The following NELL1 variants were observed in gnomAD, a reference collection of about 807,000 sequenced individuals.
NELL1 encodes the protein protein kinase C-binding protein NELL1.
A neutral mutation model predicts 107.4 loss-of-function variants in NELL1; 76 were observed. That is an observed-to-expected ratio of 0.71 (90% CI 0.59 to 0.86). The LOEUF (loss-of-function observed/expected upper bound fraction) is 0.86. Ranked by LOEUF, NELL1 falls within the 40% of genes least tolerant of loss-of-function variation. The probability of loss-of-function intolerance (pLI) is 0.00; values close to 1 mark genes in which losing one functional copy is unlikely to be tolerated. For missense variants in NELL1, 1,024 were observed against 1,005.5 expected (o/e 1.02, Z -0.25); for synonymous variants, 353 against 341.2 (o/e 1.03, Z -0.38).
At chr11:21,456,570 C>T (rs1853745038) in intron 15 of NELL1, among the ~76,000 whole-genome samples, 1 of 151,784 alleles carries the variant, frequency 6.6e-6, no homozygotes, top group Non-Finnish European at 1.5e-5. Context: ...AATATTTCCT[C>T]AGTAGATTTT....
At chr11:21,179,619 CA>C (rs1565098437) in intron 13 of NELL1, among the ~76,000 whole-genome samples, 1 of 151,842 alleles carries the variant, frequency 6.6e-6, no homozygotes, top group Non-Finnish European at 1.5e-5. Context: ...TTGGCTAAAT[CA>C]AGTCACTTGG....
intron 5 of NELL1, among the ~76,000 whole-genome samples, chr11:20,912,126 G>T (rs995194725): frequency 6.6e-6 from 1 of 152,104 alleles, no homozygotes; most frequent in Non-Finnish European, 1.5e-5. Flanking sequence ...TGCCTTTATA[G>T]GCAAAGTAAA....
chr11:21,250,913 A>G (rs1204416800), intron 14 of NELL1, among the ~76,000 whole-genome samples: 1 of 152,096 alleles, frequency 6.6e-6, no homozygotes, highest in Non-Finnish European at 1.5e-5. Flanking sequence ...CTGGTTGGGA[A>G]GCTCTTGAAT....
chr11:20,981,264 A>T (rs1035550465), intron 12 of NELL1, among the ~76,000 whole-genome samples: 2 of 152,116 alleles, frequency 1.3e-5, no homozygotes, highest in African/African-American at 2.4e-5. Flanking sequence ...CAAATTCTTA[A>T]TTTTTTTCAT....
chr11:21,082,664 T>A (rs1854296840), intron 12 of NELL1, among the ~76,000 whole-genome samples: 1 of 152,212 alleles, frequency 6.6e-6, no homozygotes, highest in Non-Finnish European at 1.5e-5. Context: ...GTTCCTATGC[T>A]ATTTTTTCTC....
chr11:20,719,615 G>A (rs1432607860), intron 2 of NELL1, among the ~76,000 whole-genome samples: 1 of 152,110 alleles, frequency 6.6e-6, no homozygotes, highest in Non-Finnish European at 1.5e-5. Context: ...CATGGCTTAT[G>A]GTTTCACTTT....
intron 14 of NELL1, among the ~76,000 whole-genome samples, chr11:21,306,724 CA>C (rs1453823770): frequency 1.3e-5 from 2 of 152,028 alleles, no homozygotes; most frequent in African/African-American, 2.4e-5. Context: ...CATGCCAGAT[CA>C]AGGTACACGG....
At chr11:20,772,761 G>A (rs1359834605) in intron 2 of NELL1, among the ~76,000 whole-genome samples, 2 of 152,196 alleles carry the variant, frequency 1.3e-5, no homozygotes, top group Non-Finnish European at 2.9e-5. Flanking sequence ...ACACTGGTTT[G>A]TCTGAGCCAA....
At chr11:21,281,729 A>G (rs924900193) in intron 14 of NELL1, among the ~76,000 whole-genome samples, 17 of 152,064 alleles carry the variant, frequency 1.1e-4, no homozygotes, top group Admixed American at 8.5e-4. Flanking sequence ...GGAGAAAGTA[A>G]GGAAAGAGAA....
At chr11:21,062,321 A>C (rs1330873346) in intron 12 of NELL1, among the ~76,000 whole-genome samples, 1 of 152,204 alleles carries the variant, frequency 6.6e-6, no homozygotes, top group African/African-American at 2.4e-5. Flanking sequence ...GTGATTACTG[A>C]AAAACTTAAA....
At chr11:20,960,680 A>G in intron 12 of NELL1, 120 bp downstream of exon 12, 2 of 1,082,640 alleles carry the variant, frequency 1.8e-6, no homozygotes, top group Non-Finnish European at 1.3e-6. Context: ...TCCTATAAGA[A>G]ATCATATCAA....
At chr11:20,921,975 G>A (rs11820117) in intron 7 of NELL1, among the ~76,000 whole-genome samples, 2,604 of 152,160 alleles carry the variant, frequency 0.017, 76 homozygotes, top group African/African-American at 0.059. Context: ...CTCAGGAAAG[G>A]ATTCTTTAAG....
chr11:20,724,748 A>C (rs1249387039), intron 2 of NELL1, among the ~76,000 whole-genome samples: 1 of 152,154 alleles, frequency 6.6e-6, no homozygotes, highest in East Asian at 1.9e-4. Flanking sequence ...CCCATTACCC[A>C]GTTCCAAAGT....
chr11:20,814,552 T>A (rs964356604), intron 3 of NELL1, among the ~76,000 whole-genome samples: 7 of 152,246 alleles, frequency 4.6e-5, no homozygotes, highest in Admixed American at 1.3e-4. Context: ...ATGCAGTGTT[T>A]GGTTTTCTAT....
In NELL1 at chr11:20,755,790, A is replaced by G. The variant is rs1274083167; in HGVS notation, c.185-27890A>G. The stretch of plus-strand genomic sequence containing the variant: ...AGGCTGGTATTGAACTCCTGACCTC[A>G]GGTGATCCACCCACCTTGGCATCCC... On this transcript the variant is annotated intron_variant, in intron 2 of 19. Transcript: ENST00000357134. 2.0e-5 allele frequency among the ~76,000 whole-genome samples: 3 copies of G among 148,748 alleles called. No individual in the cohort carries two copies. In the East Asian group the frequency reaches 6.0e-4, roughly 30 times the overall value.
chr11:20,983,040 T>C (rs1851780031), intron 12 of NELL1, among the ~76,000 whole-genome samples: 1 of 152,192 alleles, frequency 6.6e-6, no homozygotes, highest in Non-Finnish European at 1.5e-5. Context: ...AAAGAGACCT[T>C]CAGATCAGTA....
rs1269015483 is a variant in NELL1, at chr11:21,459,895, AT to A, written c.1646-74478del. ...AGCAAAGGGCACAGGGATAATGGCCATGGACTTTATGACATTGGAGTATAGA... is the reference window on the plus strand; with the variant it reads ...AGCAAAGGGCACAGGGATAATGGCCAGGACTTTATGACATTGGAGTATAGA... On this transcript the variant is annotated intron_variant, in intron 15 of 19. Coordinates refer to ENST00000357134, the MANE Select transcript of NELL1 (RefSeq NM_006157.5). Among the ~76,000 whole-genome samples, 5 of 152,116 alleles carry A rather than the reference AT, an allele frequency of 3.3e-5. No individual in the cohort carries two copies. The South Asian group carries it at 8.3e-4, about 25-fold the overall frequency.
At chr11:21,563,633 G>A (rs972570679) in intron 17 of NELL1, among the ~76,000 whole-genome samples, 2 of 152,008 alleles carry the variant, frequency 1.3e-5, no homozygotes, top group Admixed American at 6.6e-5. Context: ...GGGAGGATAT[G>A]CATAGGTGGT....
At chr11:21,449,417 TC>T (rs1670852760) in intron 15 of NELL1, among the ~76,000 whole-genome samples, 1 of 152,196 alleles carries the variant, frequency 6.6e-6, no homozygotes, top group African/African-American at 2.4e-5. Flanking sequence ...GGAGTTGTTT[TC>T]TTTTTATTGA....
Sources: gnomAD v4.1 joint callset for allele counts (sites outside exome capture counted in the v4.1 genomes callset) on GRCh38, gnomAD v4.1.1 for gene constraint, MANE v1.5 for transcripts, NCBI Gene and HGNC (gene_info 2026-07-23, HGNC 2026-07-21) for gene names.